NCALD: variants seen among roughly 807,000 people sequenced by gnomAD.
NCALD encodes the protein neurocalcin-delta.
NCALD carries 10 observed loss-of-function variants against 18.6 expected under a neutral mutation model. That is an observed-to-expected ratio of 0.54 (90% CI 0.33 to 0.91). NCALD has a LOEUF of 0.91. Ranked by LOEUF, NCALD falls within the 40% of genes least tolerant of loss-of-function variation. The pLI is 0.03. For missense variants in NCALD, 184 were observed against 247.6 expected, an observed-to-expected ratio of 0.74 and a Z score of 1.72; for synonymous variants, 88 against 87.4, an observed-to-expected ratio of 1.01 and a Z score of -0.04.
At chr8:101,860,058 C>G (rs1815477033) in intron 4 of NCALD, among the ~76,000 whole-genome samples, 1 of 152,104 alleles carries the variant, frequency 6.6e-6, no homozygotes, top group South Asian at 2.1e-4. Context: ...TCAAAAGCAG[C>G]ATTGTACTTA....
intron 2 of NCALD, among the ~76,000 whole-genome samples, chr8:101,935,628 C>A (rs1370369361): frequency 6.6e-6 from 1 of 151,970 alleles, no homozygotes; most frequent in East Asian, 1.9e-4. Context: ...GGGGCCTTGA[C>A]AAAGTCTTTG....
At chr8:102,120,065 T>C (rs1825900402) in intron 1 of NCALD, among the ~76,000 whole-genome samples, 1 of 152,250 alleles carries the variant, frequency 6.6e-6, no homozygotes, top group Non-Finnish European at 1.5e-5. Context: ...GTAATTCTAC[T>C]AAGTGCATAA....
At chr8:101,701,176 C>T (rs530118160) in intron 2 of NCALD, among the ~76,000 whole-genome samples, 4 of 152,082 alleles carry the variant, frequency 2.6e-5, no homozygotes, top group African/African-American at 7.2e-5. Context: ...CATCAACAAC[C>T]GAGAGCTGAT....
chr8:101,949,056 C>A (rs1033712011), intron 2 of NCALD, among the ~76,000 whole-genome samples: 1 of 152,158 alleles, frequency 6.6e-6, no homozygotes, highest in Non-Finnish European at 1.5e-5. Flanking sequence ...CCAGGTGCCA[C>A]GTGTTCCAAG....
intron 1 of NCALD, among the ~76,000 whole-genome samples, chr8:101,733,831 T>C (rs1816954126): frequency 6.6e-6 from 1 of 152,216 alleles, no homozygotes; most frequent in Non-Finnish European, 1.5e-5. Context: ...AGACCCCCAC[T>C]GAGGGTTTTC....
At chr8:102,103,883 G>T (rs973450814) in intron 1 of NCALD, among the ~76,000 whole-genome samples, 1 of 152,162 alleles carries the variant, frequency 6.6e-6, no homozygotes, top group Non-Finnish European at 1.5e-5. Context: ...AAGTGAGAAG[G>T]CAACTGCCTG....
chr8:101,702,940 C>T (rs1380333375), intron 2 of NCALD, among the ~76,000 whole-genome samples: 3 of 152,186 alleles, frequency 2.0e-5, no homozygotes, highest in South Asian at 2.1e-4. Flanking sequence ...ACAATGCACA[C>T]GAACATATTA....
intron 4 of NCALD, among the ~76,000 whole-genome samples, chr8:101,883,459 T>C (rs2131469097): frequency 6.6e-6 from 1 of 152,328 alleles, no homozygotes; most frequent in East Asian, 1.9e-4. Context: ...TATTGCTCCC[T>C]TCCTCCTCCC....
intron 2 of NCALD, among the ~76,000 whole-genome samples, chr8:101,697,774 AT>A (rs1815069610): frequency 6.6e-6 from 1 of 152,218 alleles, no homozygotes; most frequent in African/African-American, 2.4e-5. Context: ...TAAACTAGGT[AT>A]TGATGGAACA....
intron 1 of NCALD, among the ~76,000 whole-genome samples, chr8:102,092,810 A>C (rs1824966836): frequency 6.6e-6 from 1 of 152,156 alleles, no homozygotes. Context: ...TTAGCTCTAC[A>C]ATTAAGACAG....
chr8:101,983,860 G>C (rs1032675003), intron 2 of NCALD, among the ~76,000 whole-genome samples: 1 of 152,182 alleles, frequency 6.6e-6, no homozygotes, highest in Non-Finnish European at 1.5e-5. Flanking sequence ...CCCATGTCCA[G>C]TGGCACCTCC....
intron 2 of NCALD, among the ~76,000 whole-genome samples, chr8:101,963,586 T>C (rs1563937403): frequency 6.6e-6 from 1 of 152,298 alleles, no homozygotes; most frequent in South Asian, 2.1e-4. Context: ...GTGTTGATAA[T>C]ATATTCGAGT....
At chr8:102,017,721 TA>T (rs1822137635) in intron 2 of NCALD, among the ~76,000 whole-genome samples, 2 of 152,122 alleles carry the variant, frequency 1.3e-5, no homozygotes, top group South Asian at 4.1e-4. Context: ...CAAAACAAAG[TA>T]CTCTTCCATT....
chr8:101,771,059 T>C (rs1436571086), intron 1 of NCALD, among the ~76,000 whole-genome samples: 1 of 152,168 alleles, frequency 6.6e-6, no homozygotes, highest in Non-Finnish European at 1.5e-5. Context: ...TCCCCACCCC[T>C]ATATCAAAGT....
intron 1 of NCALD, among the ~76,000 whole-genome samples, chr8:101,787,467 A>G (rs1290533889): frequency 6.7e-6 from 1 of 149,906 alleles, no homozygotes; most frequent in African/African-American, 2.4e-5. Context: ...ACGCGGAGAC[A>G]GTGGGTGTTG....
At chr8:101,871,708 G>T (rs1046325604) in intron 4 of NCALD, 3 of 170,150 alleles carry the variant, frequency 1.8e-5, no homozygotes. Context: ...AAAATGTAAA[G>T]ATTTGAAACA....
chr8:101,908,120 T>TA (rs1045386525), intron 3 of NCALD, among the ~76,000 whole-genome samples: 4 of 152,186 alleles, frequency 2.6e-5, no homozygotes, highest in Non-Finnish European at 4.4e-5. Context: ...TACAGCCTTT[T>TA]AAAAAATCAT....
chr8:101,844,541 C>T (rs1259096718), intron 4 of NCALD, among the ~76,000 whole-genome samples: 3 of 151,790 alleles, frequency 2.0e-5, no homozygotes, highest in Admixed American at 6.6e-5. Context: ...TTTTATTTTT[C>T]GTAGAGACAG....
intron 2 of NCALD, among the ~76,000 whole-genome samples, chr8:101,922,872 T>C (rs1469427649): frequency 2.0e-5 from 3 of 152,176 alleles, no homozygotes; most frequent in African/African-American, 7.2e-5. Context: ...AATAATAAAA[T>C]AGAATAACTG....
Sources: allele counts gnomAD v4.1 joint callset (sites outside exome capture counted in the v4.1 genomes callset), GRCh38; gene constraint gnomAD v4.1.1; transcripts MANE v1.5; gene names NCBI Gene and HGNC (gene_info 2026-07-23, HGNC 2026-07-21).